GRIK2: variants seen among roughly 807,000 people sequenced by gnomAD.
The protein encoded by GRIK2 is glutamate receptor ionotropic, kainate 2.
Under a neutral mutation model 100.3 loss-of-function variants are expected in GRIK2, and 32 were observed. The ratio of observed to expected loss-of-function variants is 0.32; its 90% CI spans 0.24 to 0.43. The LOEUF (loss-of-function observed/expected upper bound fraction) is 0.43. Among genes scored for constraint, GRIK2 ranks in the 20% least tolerant of loss-of-function variants. GRIK2 has a pLI of 1.00. For synonymous variants in GRIK2, 417 were observed against 389.4 expected (o/e 1.07, Z -0.83); for missense variants, 843 against 1,114.9 (o/e 0.76, Z 3.47).
chr6:102,016,726 C>T (rs1215552236), intron 14 of GRIK2, among the ~76,000 whole-genome samples: 1 of 152,002 alleles, frequency 6.6e-6, no homozygotes, highest in East Asian at 1.9e-4. Context: ...ATGAGAACTT[C>T]CCTGATCTAG....
intron 2 of GRIK2, among the ~76,000 whole-genome samples, chr6:101,446,611 T>C (rs1427849502): frequency 6.6e-6 from 1 of 151,842 alleles, no homozygotes; most frequent in Non-Finnish European, 1.5e-5. Flanking sequence ...GACATGTTTC[T>C]GAACAAGCCC....
At chr6:101,922,141 C>CCCTCCCTCCCTTCCT in intron 12 of GRIK2, among the ~76,000 whole-genome samples, 1 of 56,512 alleles carries the variant, frequency 1.8e-5, no homozygotes, top group South Asian at 6.9e-4. Flanking sequence ...CCTTCCTTCC[C>CCCTCCCTCCCTTCCT]TCCCTTCCTC....
intron 2 of GRIK2, among the ~76,000 whole-genome samples, chr6:101,597,861 A>G (rs1018846620): frequency 4.6e-5 from 7 of 151,698 alleles, no homozygotes; most frequent in South Asian, 4.1e-4. Context: ...AACATCTTTG[A>G]GGATTCTGTC....
At chr6:101,790,789 T>C (rs1477951772) in intron 7 of GRIK2, among the ~76,000 whole-genome samples, 3 of 151,252 alleles carry the variant, frequency 2.0e-5, no homozygotes, top group South Asian at 2.1e-4. Flanking sequence ...ATGGTACCAG[T>C]TCCTCCTTTT....
At chr6:101,494,896 T>C (rs754313861) in intron 2 of GRIK2, among the ~76,000 whole-genome samples, 4 of 149,856 alleles carry the variant, frequency 2.7e-5, no homozygotes, top group Non-Finnish European at 4.4e-5. Flanking sequence ...ATTGAGCCAA[T>C]GTCTGGGAGA....
At chr6:101,628,053 T>G (rs1195230867) in intron 4 of GRIK2, among the ~76,000 whole-genome samples, 6 of 152,294 alleles carry the variant, frequency 3.9e-5, no homozygotes, top group Admixed American at 2.0e-4. Flanking sequence ...AAAAACATTT[T>G]ATTTTAGGAC....
At chr6:101,670,371 C>T (rs550236276) in intron 4 of GRIK2, among the ~76,000 whole-genome samples, 2 of 151,964 alleles carry the variant, frequency 1.3e-5, no homozygotes, top group African/African-American at 2.4e-5. Flanking sequence ...CAATGTTATT[C>T]CCCAGGGAAA....
intron 2 of GRIK2, among the ~76,000 whole-genome samples, chr6:101,505,982 G>A (rs558069353): frequency 3.9e-5 from 6 of 152,048 alleles, no homozygotes; most frequent in Non-Finnish European, 8.8e-5. Flanking sequence ...CAAATTGCAA[G>A]TAAGTAATCA....
At chr6:101,961,325 G>T (rs907972619) in intron 14 of GRIK2, among the ~76,000 whole-genome samples, 1 of 152,114 alleles carries the variant, frequency 6.6e-6, no homozygotes, top group African/African-American at 2.4e-5. Flanking sequence ...CGGGAATGCT[G>T]CTGTTCTGTG....
intron 15 of GRIK2, among the ~76,000 whole-genome samples, chr6:102,045,854 C>G (rs146081276): frequency 2.0e-5 from 3 of 151,998 alleles, no homozygotes; most frequent in African/African-American, 7.2e-5. Context: ...TAAGTTGTTA[C>G]CTATCAATAA....
intron 7 of GRIK2, among the ~76,000 whole-genome samples, chr6:101,796,567 A>G (rs1329790592): frequency 3.3e-5 from 5 of 152,178 alleles, no homozygotes; most frequent in Non-Finnish European, 7.3e-5. Flanking sequence ...TTAAAACCAA[A>G]AAGTACCCCA....
chr6:101,873,799 G>T (rs1018888619), intron 11 of GRIK2, among the ~76,000 whole-genome samples: 1 of 151,892 alleles, frequency 6.6e-6, no homozygotes, highest in African/African-American at 2.4e-5. Context: ...TAACTGGTGT[G>T]AGATGGTATC....
chr6:101,726,777 AAAC>A (rs1774900784), intron 7 of GRIK2, among the ~76,000 whole-genome samples: 1 of 152,056 alleles, frequency 6.6e-6, no homozygotes, highest in South Asian at 2.1e-4. Flanking sequence ...TAAAAACTGA[AAAC>A]AACATGGACA....
chr6:101,551,445 TG>T (rs1402314949), intron 2 of GRIK2, among the ~76,000 whole-genome samples: 1 of 152,052 alleles, frequency 6.6e-6, no homozygotes, highest in Non-Finnish European at 1.5e-5. Context: ...AAATTGAGGG[TG>T]GGATAAAATT....
chr6:101,803,602 G>T (rs1780808067), intron 9 of GRIK2, among the ~76,000 whole-genome samples: 1 of 151,856 alleles, frequency 6.6e-6, no homozygotes, highest in Non-Finnish European at 1.5e-5. Context: ...GTTGATAATG[G>T]TAGAATTCAG....
chr6:101,426,226 G>C (rs1776690875), intron 2 of GRIK2, among the ~76,000 whole-genome samples: 1 of 152,130 alleles, frequency 6.6e-6, no homozygotes, highest in South Asian at 2.1e-4. Context: ...GCTTTGTTAT[G>C]TATGCATTAG....
At chr6:101,702,808 C>T (rs1772989299) in intron 7 of GRIK2, among the ~76,000 whole-genome samples, 1 of 151,796 alleles carries the variant, frequency 6.6e-6, no homozygotes, top group Non-Finnish European at 1.5e-5. Flanking sequence ...AAATATTGAT[C>T]AGAAAAGCAT....
At chr6:101,572,700 T>C (rs893656106) in intron 2 of GRIK2, among the ~76,000 whole-genome samples, 2 of 151,074 alleles carry the variant, frequency 1.3e-5, no homozygotes, top group African/African-American at 2.4e-5. Flanking sequence ...TCTCAAGGCA[T>C]CTGTACTATT....
intron 12 of GRIK2, among the ~76,000 whole-genome samples, chr6:101,917,572 AC>A (rs1197649565): frequency 2.0e-5 from 3 of 146,742 alleles, no homozygotes; most frequent in Non-Finnish European, 3.0e-5. Context: ...AGTTAGCATT[AC>A]CTTGTCACTT....
Sources: gnomAD v4.1 joint callset for allele counts (sites outside exome capture counted in the v4.1 genomes callset) on GRCh38, gnomAD v4.1.1 for gene constraint, MANE v1.5 for transcripts, NCBI Gene and HGNC (gene_info 2026-07-23, HGNC 2026-07-21) for gene names.